The following AAK1 variants were observed in gnomAD, a reference collection of about 807,000 sequenced individuals.
AAK1 encodes AP2 associated kinase 1.
In AAK1, 37 loss-of-function variants were observed where a neutral mutation model predicts 116.0. That is an observed-to-expected ratio of 0.32 (90% CI 0.25 to 0.42). The LOEUF (loss-of-function observed/expected upper bound fraction) is 0.42, where lower values mean the gene tolerates loss of function less well. Ranked by LOEUF, AAK1 falls within the 10% of genes least tolerant of loss-of-function variation. The pLI is 1.00. For missense variants in AAK1, 919 were observed against 1,170.6 expected (o/e 0.79, Z 3.14); for synonymous variants, 458 against 439.9 (o/e 1.04, Z -0.51).
At chr2:69,602,182 G>A (rs1196759647) in intron 2 of AAK1, among the ~76,000 whole-genome samples, 2 of 152,198 alleles carry the variant, frequency 1.3e-5, no homozygotes, top group Non-Finnish European at 2.9e-5. Context: ...GATTAAAAGA[G>A]ATTTAAAAGA....
At chr2:69,522,201 G>A (rs1439974568) in intron 10 of AAK1, among the ~76,000 whole-genome samples, 1 of 152,208 alleles carries the variant, frequency 6.6e-6, no homozygotes, top group Non-Finnish European at 1.5e-5. Context: ...GAGTATAACT[G>A]AGGTTAGGCC....
chr2:69,517,302 C>T (rs566696946), intron 12 of AAK1, among the ~76,000 whole-genome samples: 5 of 152,200 alleles, frequency 3.3e-5, no homozygotes, highest in African/African-American at 4.8e-5. Flanking sequence ...TCATGGAAAA[C>T]GTCCAGCCCT....
Position 69,544,558 on chromosome 2 carries a change from A to G in AAK1, c.283-14T>C, listed in dbSNP as rs1205125150. On this transcript the variant is annotated splice_polypyrimidine_tract_variant and intron_variant, in intron 3 of 21. Coordinates refer to ENST00000409085, the MANE Select transcript of AAK1 (RefSeq NM_014911.5). ...TGAAAGATCCCTCTGTGAACAAGAG[A>G]GGAGAAATATATTGTTAGTTTCAGA... 1 of 1,582,220 alleles carries G rather than the reference A, an allele frequency of 6.3e-7. No individual in the cohort carries two copies. The highest frequency in any genetic ancestry group is 8.7e-7 in the Non-Finnish European group (1 of 1,151,346).
At chr2:69,502,908 A>C (rs892807590) in intron 16 of AAK1, among the ~76,000 whole-genome samples, 22 of 152,240 alleles carry the variant, frequency 1.4e-4, no homozygotes, top group African/African-American at 5.3e-4. Context: ...AAAATTGGTA[A>C]CAATGTAAAT....
At chr2:69,576,965 C>G (rs1672340651) in intron 2 of AAK1, among the ~76,000 whole-genome samples, 1 of 152,356 alleles carries the variant, frequency 6.6e-6, no homozygotes, top group Admixed American at 6.5e-5. Flanking sequence ...CCCTACCAGA[C>G]CTTCACATCT....
At chr2:69,609,307 G>A (rs1438820961) in intron 2 of AAK1, among the ~76,000 whole-genome samples, 1 of 152,106 alleles carries the variant, frequency 6.6e-6, no homozygotes, top group Non-Finnish European at 1.5e-5. Context: ...AGGTTGCAGT[G>A]AGCCAAGATT....
chr2:69,475,018 A>C lies in AAK1; in HGVS notation c.*851T>G. 1 of 974,926 alleles carries C rather than the reference A, an allele frequency of 1.0e-6. No individual in the cohort carries two copies. The highest frequency in any genetic ancestry group is 1.2e-6 in the Non-Finnish European group (1 of 828,216). The allele number at this position is 974,926 out of a possible 1,614,324, so 60.4% of individuals were successfully genotyped here. A position where few individuals can be genotyped will look rare whatever the true frequency, so the allele number is the denominator to read the frequency against. ...AAAGTCTTCTAATAAAAGGTATCAT[A>C]TTACCACCGTCTTGTTTTGGTCTAA... On this transcript the variant is annotated 3_prime_UTR_variant, in exon 22 of 22. Coordinates refer to ENST00000409085, the MANE Select transcript of AAK1 (RefSeq NM_014911.5).
rs111365545 is a variant in AAK1 at position 69,487,710 on chromosome 2, T to A, written c.2366-4898A>T. 6.7e-3 allele frequency among the ~76,000 whole-genome samples: 1,022 copies of A among 152,124 alleles called. 14 individuals carry two copies. Among genetic ancestry groups the A allele is most frequent in the African/African-American group, 0.024 (981 of 41,532 alleles). On this transcript the variant is annotated intron_variant, in intron 17 of 21. Coordinates refer to ENST00000409085, the MANE Select transcript of AAK1 (RefSeq NM_014911.5). ...GTAATGATTTAATCTTCCTATGAAA[T>A]GTTTGTGAAAAGCAATTGGACAATT... is the stretch of plus-strand genomic sequence containing the variant.
intron 16 of AAK1, among the ~76,000 whole-genome samples, chr2:69,498,500 G>T (rs192472469): frequency 1.3e-5 from 2 of 152,152 alleles, no homozygotes; most frequent in African/African-American, 4.8e-5. Context: ...GGCTGACCGG[G>T]CCTCTTTCTC....
At chr2:69,479,211 T>G in intron 19 of AAK1, 150 bp from the exon 20 acceptor site, 1 of 602,054 alleles carries the variant, frequency 1.7e-6, no homozygotes, top group Non-Finnish European at 2.9e-6. Context: ...AAAAGAAATG[T>G]GTGGAGCCTT....
At chr2:69,524,311 A>G (rs1669921505) in intron 10 of AAK1, among the ~76,000 whole-genome samples, 1 of 152,200 alleles carries the variant, frequency 6.6e-6, no homozygotes, top group African/African-American at 2.4e-5. Context: ...TCCTGACCTC[A>G]AGTAATTCTC....
At chr2:69,565,061 A>C (rs543262382) in intron 2 of AAK1, among the ~76,000 whole-genome samples, 1 of 152,360 alleles carries the variant, frequency 6.6e-6, no homozygotes, top group Non-Finnish European at 1.5e-5. Context: ...GGGAGATCAC[A>C]TAAAGGAGTG....
chr2:69,564,052 T>C (rs1671761715), intron 2 of AAK1, among the ~76,000 whole-genome samples: 1 of 151,390 alleles, frequency 6.6e-6, no homozygotes, highest in Non-Finnish European at 1.5e-5. Context: ...ATTAGCTGGG[T>C]GTGGTGGCGC....
At chr2:69,574,399 A>AAG (rs2105127381) in intron 2 of AAK1, among the ~76,000 whole-genome samples, 2 of 140,472 alleles carry the variant, frequency 1.4e-5, no homozygotes, top group South Asian at 4.6e-4. Context: ...AAAAAAAAAA[A>AAG]GAGAAGAGAA....
At chr2:69,517,162 T>C (rs1287393170) in intron 12 of AAK1, 1 of 152,218 alleles carries the variant, frequency 6.6e-6, no homozygotes, top group African/African-American at 2.4e-5. Context: ...TGTTCACCTT[T>C]GGATGACAAG....
In AAK1 at chr2:69,577,674, T is replaced by C. The variant is rs572564628; in HGVS notation, c.164-20696A>G. On this transcript the variant is annotated intron_variant, in intron 2 of 21. Coordinates refer to ENST00000409085, the MANE Select transcript of AAK1 (RefSeq NM_014911.5). Reference sequence around the variant, plus strand: ...TTCCTGGCCCTAACCCCTACTCTTGTCCTTTGTACTTGCCTCAACAGCTGG... The same window carrying C: ...TTCCTGGCCCTAACCCCTACTCTTGCCCTTTGTACTTGCCTCAACAGCTGG... Among the ~76,000 whole-genome samples the C allele has an allele frequency of 2.4e-4, 37 of 152,274 alleles. No individual in the cohort carries two copies. In the East Asian group the frequency reaches 5.4e-3, roughly 22 times the overall value.
rs954580593 is a variant in AAK1, at chr2:69,582,539, T to C, written c.164-25561A>G. Among the ~76,000 whole-genome samples, 7 of 152,134 alleles carry C rather than the reference T, an allele frequency of 4.6e-5. No individual in the cohort carries two copies. The East Asian group carries it at 1.3e-3, about 29-fold the overall frequency. On this transcript the variant is annotated intron_variant, in intron 2 of 21. Transcript: ENST00000409085. ...GGTCTGGGGAAGGAAGCTAATGACT[T>C]TGCAAATTCCTGTCCCCTAAAAAGA...
intron 2 of AAK1, among the ~76,000 whole-genome samples, chr2:69,588,043 C>A (rs1469754093): frequency 6.6e-6 from 1 of 152,086 alleles, no homozygotes; most frequent in Non-Finnish European, 1.5e-5. Flanking sequence ...GGATTACAGG[C>A]ATGAGCTACC....
chr2:69,605,959 G>A (rs1291393767), intron 2 of AAK1, among the ~76,000 whole-genome samples: 1 of 152,114 alleles, frequency 6.6e-6, no homozygotes, highest in African/African-American at 2.4e-5. Flanking sequence ...CAGAGCTACT[G>A]TTCAGCCCAT....
Sources: gnomAD v4.1 joint callset for allele counts (sites outside exome capture counted in the v4.1 genomes callset) on GRCh38, gnomAD v4.1.1 for gene constraint, MANE v1.5 for transcripts, NCBI Gene and HGNC (gene_info 2026-07-23, HGNC 2026-07-21) for gene names.